The following MBD6 variants were observed in gnomAD, a reference collection of about 807,000 sequenced individuals.
MBD6 encodes methyl-CpG-binding domain protein 6.
In MBD6, 22 loss-of-function variants were observed where a neutral mutation model predicts 66.8. That is an observed-to-expected ratio of 0.33 (90% CI 0.24 to 0.47). The LOEUF is 0.47. Ranked by LOEUF, MBD6 falls within the 20% of genes least tolerant of loss-of-function variation. MBD6 has a pLI of 1.00. For missense variants in MBD6, 1,322 were observed against 1,286.9 expected (o/e 1.03, Z -0.42); for synonymous variants, 540 against 534.6 (o/e 1.01, Z -0.14).
chr12:57,530,487 C>A (rs1005750237), downstream of MBD6: 20 of 513,540 alleles, frequency 3.9e-5, no homozygotes, highest in African/African-American at 3.6e-4. Flanking sequence ...GGGAGACCAC[C>A]TTCTGATGAT....
downstream of MBD6, chr12:57,530,577 T>G: frequency 1.1e-6 from 1 of 914,254 alleles, no homozygotes; most frequent in Non-Finnish European, 1.7e-6. Context: ...TTGCCCCCAG[T>G]GTCAAATGGG....
intron 11 of MBD6, 41 bp from the exon 12 acceptor site, chr12:57,528,905 G>A: frequency 1.2e-6 from 2 of 1,613,952 alleles, no homozygotes; most frequent in Non-Finnish European, 1.7e-6. Flanking sequence ...TTCACCTGGT[G>A]CTTGGGAGCT....
intron 9 of MBD6, 25 bp from the exon 10 acceptor site, chr12:57,528,122 T>C (rs1879175447): frequency 3.8e-6 from 6 of 1,564,676 alleles, no homozygotes; most frequent in Non-Finnish European, 5.2e-6. Context: ...TGAGATTGAC[T>C]GAGAACTTAT....
chr12:57,523,806 G>A (rs1027848977), intron 1 of MBD6, among the ~76,000 whole-genome samples: 2 of 152,198 alleles, frequency 1.3e-5, no homozygotes, highest in African/African-American at 4.8e-5. Context: ...CTAAGAATTG[G>A]GCTAGACTTT....
downstream of MBD6, chr12:57,530,243 C>T (rs1193495948): frequency 6.4e-6 from 1 of 155,066 alleles, no homozygotes; most frequent in Admixed American, 6.5e-5. Flanking sequence ...CTTAGATTGC[C>T]TGTTATGACG....
In MBD6 at chr12:57,524,808, C is replaced by G; in HGVS notation, c.202C>G (p.Leu68Val). Reference sequence around the variant, plus strand: ...CTGCAAGTGCGGTCTGGAGTGTCCACTTAATGTCCCCAAGGTCAGAGTGGT... The same window carrying G: ...CTGCAAGTGCGGTCTGGAGTGTCCAGTTAATGTCCCCAAGGTCAGAGTGGT... ...GTCKCGLECP[L>V]NVPKVFNFDP... Residue 68 changes from leucine (L) to valine (V), a missense_variant, in exon 4 of 13, where the codon CTT (leucine) becomes GTT (valine). Leu to Val is a conservative substitution (Grantham distance 32). Transcript: ENST00000355673. 7 of 1,614,224 alleles carry G rather than the reference C, an allele frequency of 4.3e-6. No individual in the cohort carries two copies. Among genetic ancestry groups the G allele is most frequent in the Non-Finnish European group, 5.9e-6 (7 of 1,180,036 alleles).
In MBD6 at chr12:57,529,383, C is replaced by G. The variant is rs1180751495; in HGVS notation, c.*149C>G. 2 of 687,190 alleles carry G rather than the reference C, an allele frequency of 2.9e-6. No homozygotes were observed. Among genetic ancestry groups the G allele is most frequent in the Non-Finnish European group, 4.9e-6 (2 of 408,310 alleles). 42.6% of individuals were successfully genotyped at this position (687,190 alleles called of 1,614,324 possible). A position where few individuals can be genotyped will look rare whatever the true frequency, so the allele number is the denominator to read the frequency against. ...CAAATGCAACTCCTTCCCCTACAAT[C>G]CCATCCTGAGCCATTGCAGGGGGCA... On this transcript the variant is annotated 3_prime_UTR_variant, in exon 13 of 13. Coordinates refer to ENST00000355673, the MANE Select transcript of MBD6 (RefSeq NM_052897.4).
In MBD6 at chr12:57,526,718, C is replaced by G. The variant is rs1247263924; in HGVS notation, c.1573C>G (p.Gln525Glu). ...GEAFPFPSPE[Q>E]GLALSGAGFP... ...GGCTTTCCCTTTCCCCAGCCCTGAG[C>G]AGGGCCTGGCACTGAGTGGAGCTGG... Residue 525 changes from glutamine to glutamate, a missense_variant, in exon 7 of 13, where the codon CAG (glutamine) becomes GAG (glutamate). By Grantham distance (29) the Gln-to-Glu change is conservative. Coordinates refer to ENST00000355673, the MANE Select transcript of MBD6 (RefSeq NM_052897.4). 6.4e-6 allele frequency: 10 copies of G among 1,554,624 alleles called. No homozygotes were observed. In the South Asian group the frequency reaches 1.2e-4, roughly 19 times the overall value.
In MBD6 at chr12:57,527,428, C is replaced by T. The variant is rs544455263; in HGVS notation, c.2083-79C>T. The T allele has an allele frequency of 1.7e-4, 258 of 1,498,184 alleles. 1 individual carries two copies. Among genetic ancestry groups the T allele is most frequent in the Non-Finnish European group, 4.0e-5 (43 of 1,076,012 alleles). The allele number at this position is 1,498,184 out of a possible 1,614,324, so 92.8% of individuals were successfully genotyped here. A position where few individuals can be genotyped will look rare whatever the true frequency, so the allele number is the denominator to read the frequency against. On this transcript the variant is annotated intron_variant, in intron 7 of 12. Transcript: ENST00000355673. ...GGCCTATCTCACTTGAGGCTTCAGT[C>T]AGATAGTGGATGTGAAAGCACTATA...
At position 57,526,765 on chromosome 12, in the gene MBD6, C is replaced by G; in HGVS notation, c.1620C>G (p.Ala540=). ...CTGGCTTCCCTGGGATGCTTGGGGC[C>G]TTGCCTCTCCCTCTGAGTCTGGGGC... The part of the protein sequence containing the change: ...SGAGFPGMLG[A]LPLPLSLGQP... Residue 540 remains alanine (A), a synonymous_variant, in exon 7 of 13, where the codon GCC becomes GCG. Transcript: ENST00000355673. 6.3e-7 allele frequency: 1 copy of G among 1,591,920 alleles called. No individual in the cohort carries two copies. Among genetic ancestry groups the G allele is most frequent in the Non-Finnish European group, 8.6e-7 (1 of 1,166,502 alleles).
Position 57,526,902 on chromosome 12 carries a change from C to G in MBD6, c.1757C>G (p.Pro586Arg). 1 of 1,613,736 alleles carries G rather than the reference C, an allele frequency of 6.2e-7. No individual in the cohort carries two copies. Among genetic ancestry groups the G allele is most frequent in the Non-Finnish European group, 8.5e-7 (1 of 1,179,944 alleles). ...CCCCCACCAGGAGGACCTGGTCCTC[C>G]CCTAGCCCCAGGAGAGCCTGAAGGG... ...LLPPPGGPGP[P>R]LAPGEPEGPS... The change falls in exon 7 of 13, where the codon CCC becomes CGC. Residue 586 changes from proline to arginine, a missense_variant. Transcript: ENST00000355673.
chr12:57,526,207 G>C lies in MBD6; in HGVS notation c.1239G>C (p.Leu413=). ...CCCAACCAATTCTCCCTTCTGTGCTGTCCCTGCTGGGACTCCCCACCCCTG... is the reference window on the plus strand; with the variant it reads ...CCCAACCAATTCTCCCTTCTGTGCTCTCCCTGCTGGGACTCCCCACCCCTG... ...EPSQPILPSV[L]SLLGLPTPGP... The change falls in exon 6 of 13, where the codon CTG becomes CTC. Residue 413 remains leucine (L), a synonymous_variant. Coordinates refer to ENST00000355673, the MANE Select transcript of MBD6 (RefSeq NM_052897.4). 6.2e-7 allele frequency: 1 copy of C among 1,614,044 alleles called. No individual in the cohort carries two copies. The highest frequency in any genetic ancestry group is 8.5e-7 in the Non-Finnish European group (1 of 1,180,000).
At position 57,525,915 on chromosome 12, in the gene MBD6, C is replaced by T; in HGVS notation, c.947C>T (p.Pro316Leu). The change falls in exon 6 of 13, where the codon CCC (proline) becomes CTC (leucine). Residue 316 changes from proline (P) to leucine (L), a missense_variant. Coordinates refer to ENST00000355673, the MANE Select transcript of MBD6 (RefSeq NM_052897.4). ...GAPTVEGPGA[P>L]PFLASSLLSA... ...CCCACGGTGGAGGGGCCTGGGGCAC[C>T]CCCCTTCCTTGCTAGCAGCCTACTC... 6.2e-7 allele frequency: 1 copy of T among 1,612,970 alleles called. No individual in the cohort carries two copies. The highest frequency in any genetic ancestry group is 1.1e-5 in the South Asian group (1 of 91,060).
chr12:57,530,773 C>T (rs1454121359), downstream of MBD6: 7 of 1,613,260 alleles, frequency 4.3e-6, no homozygotes, highest in African/African-American at 2.7e-5. Flanking sequence ...TGGTTGTCTG[C>T]ACCTACAAAG....
chr12:57,530,686 T>C (rs767706395), downstream of MBD6: 13 of 1,613,360 alleles, frequency 8.1e-6, no homozygotes, highest in Non-Finnish European at 1.1e-5. Context: ...CTCCCAAATG[T>C]GCTCACTTTC....
chr12:57,527,796 C>T, intron 8 of MBD6, 52 bp from the exon 9 acceptor site: 1 of 1,595,884 alleles, frequency 6.3e-7, no homozygotes, highest in Non-Finnish European at 8.5e-7. Context: ...TAGGTCTGCT[C>T]AGCCTAATTG....
Sources: gnomAD v4.1 joint callset for allele counts (sites outside exome capture counted in the v4.1 genomes callset) on GRCh38, gnomAD v4.1.1 for gene constraint, MANE v1.5 for transcripts, NCBI Gene and HGNC (gene_info 2026-07-23, HGNC 2026-07-21) for gene names.